Variants in RNF150 observed in about 807,000 individuals in gnomAD.
RNF150 encodes the protein ring finger protein 150.
RNF150 carries 24 observed loss-of-function variants against 39.3 expected under a neutral mutation model. The ratio of observed to expected loss-of-function variants is 0.61; its 90% CI spans 0.44 to 0.86. The LOEUF is 0.86. RNF150 is among the 40% of genes least tolerant of loss of function. RNF150 has a pLI of 0.00. For synonymous variants in RNF150, 255 were observed against 227.3 expected (o/e 1.12, Z -1.10); for missense variants, 502 against 587.8 (o/e 0.85, Z 1.51).
intron 4 of RNF150, among the ~76,000 whole-genome samples, chr4:140,942,671 T>C (rs977551863): frequency 9.2e-5 from 14 of 152,208 alleles, no homozygotes; most frequent in African/African-American, 3.4e-4. Flanking sequence ...TTCTGCATTA[T>C]CCCTAATCCA....
At chr4:141,151,002 G>A (rs893728147) in intron 1 of RNF150, among the ~76,000 whole-genome samples, 1 of 152,104 alleles carries the variant, frequency 6.6e-6, no homozygotes, top group Non-Finnish European at 1.5e-5. Context: ...CACAATCATA[G>A]CTCACTGCAG....
At chr4:141,176,016 C>T (rs1285424963) in intron 1 of RNF150, among the ~76,000 whole-genome samples, 1 of 152,002 alleles carries the variant, frequency 6.6e-6, no homozygotes, top group African/African-American at 2.4e-5. Context: ...TCTCGAGTAG[C>T]TGAGACTACA....
intron 1 of RNF150, among the ~76,000 whole-genome samples, chr4:141,097,934 T>A (rs375487922): frequency 4.6e-5 from 7 of 152,200 alleles, no homozygotes; most frequent in African/African-American, 1.7e-4. Flanking sequence ...CAAATTCAAC[T>A]AGTAAAAGCT....
chr4:141,187,237 C>G (rs1230800567), intron 1 of RNF150, among the ~76,000 whole-genome samples: 3 of 152,048 alleles, frequency 2.0e-5, no homozygotes, highest in Admixed American at 1.3e-4. Context: ...GATTTCCATT[C>G]TTTTGCATTT....
In RNF150 at chr4:141,132,303, C is replaced by T. The variant is rs1726915271; in HGVS notation, c.484+22G>A. ...CTCCGTCCCCGCCGGCTCCCCTCCCCCGCGCCCGCTGGGCCACTCACCCGC... is the reference window on the plus strand; with the variant it reads ...CTCCGTCCCCGCCGGCTCCCCTCCCTCGCGCCCGCTGGGCCACTCACCCGC... On this transcript the variant is annotated intron_variant, in intron 1 of 6. Transcript: ENST00000515673. The surrounding 1 kb of genome is among the most constrained non-coding windows in gnomAD (Gnocchi z 4.9). The T allele has an allele frequency of 6.4e-7, 1 of 1,558,812 alleles. No homozygotes were observed. The highest frequency in any genetic ancestry group is 8.7e-7 in the Non-Finnish European group (1 of 1,150,954).
At chr4:141,075,825 T>A (rs1392194464) in intron 1 of RNF150, among the ~76,000 whole-genome samples, 1 of 152,136 alleles carries the variant, frequency 6.6e-6, no homozygotes, top group African/African-American at 2.4e-5. Context: ...GGGTGAGGGA[T>A]AAAAGACTAC....
chr4:141,017,541 C>T (rs1176337087), intron 1 of RNF150, among the ~76,000 whole-genome samples: 1 of 152,136 alleles, frequency 6.6e-6, no homozygotes, highest in Non-Finnish European at 1.5e-5. Flanking sequence ...CATTTGGGTT[C>T]ACTTCTGGTG....
chr4:141,016,502 T>C (rs948898331), intron 1 of RNF150, among the ~76,000 whole-genome samples: 12 of 152,232 alleles, frequency 7.9e-5, no homozygotes, highest in Non-Finnish European at 1.6e-4. Context: ...ACACTGCCTA[T>C]ATGGAGTAGT....
chr4:140,999,742 C>A (rs111461693), intron 1 of RNF150, among the ~76,000 whole-genome samples: 11,469 of 151,814 alleles, frequency 0.076, 495 homozygotes, highest in Middle Eastern at 0.16. Context: ...TGAGACCAGC[C>A]TGGCCAACAT....
intron 1 of RNF150, among the ~76,000 whole-genome samples, chr4:141,090,281 T>A (rs141327732): frequency 1.3e-5 from 2 of 152,226 alleles, no homozygotes; most frequent in Admixed American, 1.3e-4. Context: ...GGGAAGCTTC[T>A]ACTGGGTTTA....
intron 1 of RNF150, among the ~76,000 whole-genome samples, chr4:141,122,482 T>A (rs1317762722): frequency 1.3e-5 from 2 of 152,216 alleles, no homozygotes; most frequent in African/African-American, 4.8e-5. Context: ...GAAGACTTCA[T>A]CATACGGGCT....
chr4:141,072,957 A>G (rs1178494661), intron 1 of RNF150, among the ~76,000 whole-genome samples: 1 of 152,112 alleles, frequency 6.6e-6, no homozygotes. Flanking sequence ...TTTGTCAGCT[A>G]TAGTTTGTCA....
chr4:141,142,690 C>T (rs957592055), intron 1 of RNF150, among the ~76,000 whole-genome samples: 8 of 152,096 alleles, frequency 5.3e-5, no homozygotes, highest in Admixed American at 1.3e-4. Context: ...ATATCTGATG[C>T]GGTTGACCAC....
At chr4:141,107,646 T>C (rs189055475) in intron 1 of RNF150, among the ~76,000 whole-genome samples, 2 of 152,364 alleles carry the variant, frequency 1.3e-5, no homozygotes, top group Admixed American at 6.5e-5. Flanking sequence ...CAAGTTGTCA[T>C]GAGGTCTGCT....
At chr4:140,958,009 A>G (rs1467650178) in intron 2 of RNF150, among the ~76,000 whole-genome samples, 2 of 152,022 alleles carry the variant, frequency 1.3e-5, no homozygotes, top group East Asian at 1.9e-4. Flanking sequence ...TAACCTGCAC[A>G]TTGTGCACAT....
intron 1 of RNF150, among the ~76,000 whole-genome samples, chr4:141,113,993 G>A (rs1309478760): frequency 4.6e-5 from 7 of 152,108 alleles, no homozygotes; most frequent in Non-Finnish European, 8.8e-5. Context: ...AGAATCTCCA[G>A]GGCACAGATA....
At chr4:141,136,365 T>A (rs1727027329), upstream of RNF150, among the ~76,000 whole-genome samples, 2 of 151,828 alleles carry the variant, frequency 1.3e-5, no homozygotes, top group African/African-American at 4.9e-5. Flanking sequence ...GAAAAAAAAA[T>A]GATTATCTAT....
chr4:140,910,695 C>G (rs1487790071), intron 6 of RNF150, among the ~76,000 whole-genome samples: 1 of 124,226 alleles, frequency 8.0e-6, no homozygotes, highest in Non-Finnish European at 1.9e-5. Context: ...CACGCACACT[C>G]GGGGCTCCAG....
At chr4:140,905,623 A>T (rs1041451125) in intron 6 of RNF150, among the ~76,000 whole-genome samples, 2 of 152,162 alleles carry the variant, frequency 1.3e-5, no homozygotes, top group African/African-American at 4.8e-5. Flanking sequence ...CTGCTCCTCT[A>T]GTGAAAGGGG....
Sources: allele counts gnomAD v4.1 joint callset (sites outside exome capture counted in the v4.1 genomes callset), GRCh38; gene constraint gnomAD v4.1.1; non-coding constraint Gnocchi (gnomAD v3.1); transcripts MANE v1.5; gene names NCBI Gene and HGNC (gene_info 2026-07-23, HGNC 2026-07-21).